CYP2J2: variants seen among roughly 807,000 people sequenced by gnomAD.
The protein encoded by CYP2J2 is cytochrome P450 2J2.
In CYP2J2, 41 loss-of-function variants were observed where a neutral mutation model predicts 48.8. That is an observed-to-expected ratio of 0.84 (90% CI 0.66 to 1.09). CYP2J2 has a LOEUF of 1.09. Ranked by LOEUF, CYP2J2 falls within the 50% of genes least tolerant of loss-of-function variation. The pLI is 0.00. For synonymous variants in CYP2J2, 221 were observed against 227.1 expected (o/e 0.97, Z 0.24); for missense variants, 644 against 617.3 (o/e 1.04, Z -0.46).
At position 59,912,226 on chromosome 1, in the gene CYP2J2, C is replaced by A; in HGVS notation, c.459G>T (p.Lys153Asn). ...TALRNFGLGK[K>N]SLEERIQEEA... ...CCTCCTGAATGCGTTCCTCTAAGCT[C>A]TTCTTTCCTAAACCAAAGTTCCTTA... Residue 153 changes from lysine to asparagine, a missense_variant, in exon 3 of 9, where the codon AAG (lysine) becomes AAT (asparagine). Coordinates refer to ENST00000371204, the MANE Select transcript of CYP2J2 (RefSeq NM_000775.4). 1 of 1,613,934 alleles carries A rather than the reference C, an allele frequency of 6.2e-7. No homozygotes were observed. Among genetic ancestry groups the A allele is most frequent in the Non-Finnish European group, 8.5e-7 (1 of 1,179,858 alleles).
At position 59,909,835 on chromosome 1, in the gene CYP2J2, ATTCCAATCCT is replaced by A. The variant is rs568437594; in HGVS notation, c.800_809del (p.Lys267IlefsTer75). 99 of 1,607,036 alleles carry A rather than the reference ATTCCAATCCT, an allele frequency of 6.2e-5. No homozygotes were observed. The East Asian group carries it at 1.7e-3, about 28-fold the overall frequency. ...CAATAAAGTCTCTTGTTTCTGCAGG[ATTCCAATCCT>A]TTCTGTGTTTGTCAATCATATGAGA... is the stretch of plus-strand genomic sequence containing the variant. On this transcript the variant is annotated frameshift_variant, in exon 5 of 9. Coordinates refer to ENST00000371204, the MANE Select transcript of CYP2J2 (RefSeq NM_000775.4). LOFTEE classifies it high-confidence loss of function.
chr1:59,959,692 C>T, the CYP2J2 span, among the ~76,000 whole-genome samples: 1 of 151,794 alleles, frequency 6.6e-6, no homozygotes, highest in South Asian at 2.1e-4. Context: ...TATATGTATA[C>T]ACACCATGGA....
chr1:59,946,320 A>T, the CYP2J2 span, among the ~76,000 whole-genome samples: 1 of 152,172 alleles, frequency 6.6e-6, no homozygotes, highest in Non-Finnish European at 1.5e-5. Context: ...TTCCCAAGAT[A>T]GCTGTATGTC....
At chr1:59,895,003 T>C (rs538850199) in intron 8 of CYP2J2, among the ~76,000 whole-genome samples, 7 of 152,354 alleles carry the variant, frequency 4.6e-5, no homozygotes, top group African/African-American at 1.7e-4. Flanking sequence ...TTGGCTCTTC[T>C]AAGTTGTTTG....
At chr1:59,917,655 T>C (rs1235557081) in intron 1 of CYP2J2, among the ~76,000 whole-genome samples, 1 of 152,182 alleles carries the variant, frequency 6.6e-6, no homozygotes, top group Non-Finnish European at 1.5e-5. Context: ...TGGGGATGTG[T>C]ATGTTCATGA....
chr1:59,907,998 G>A, intron 5 of CYP2J2, 71 bp from the exon 6 acceptor site: 1 of 1,467,000 alleles, frequency 6.8e-7, no homozygotes, highest in Non-Finnish European at 9.5e-7. Context: ...AACACAAAGG[G>A]GCTTCATCCT....
chr1:59,903,829 A>G (rs1041362397), intron 7 of CYP2J2, among the ~76,000 whole-genome samples: 2 of 152,242 alleles, frequency 1.3e-5, no homozygotes, highest in Non-Finnish European at 2.9e-5. Context: ...ATCTGCTTCC[A>G]GATCCCAACT....
At chr1:59,938,964 G>A in the CYP2J2 span, among the ~76,000 whole-genome samples, 5 of 152,324 alleles carry the variant, frequency 3.3e-5, no homozygotes, top group African/African-American at 7.2e-5. Flanking sequence ...CTGCATAGCC[G>A]TAGATCCCTT....
At chr1:59,902,378 A>G (rs1644327530) in intron 7 of CYP2J2, among the ~76,000 whole-genome samples, 1 of 152,184 alleles carries the variant, frequency 6.6e-6, no homozygotes, top group South Asian at 2.1e-4. Context: ...ACATATTAAT[A>G]TAATATTACT....
chr1:59,916,223 A>G, intron 1 of CYP2J2, 123 bp from the exon 2 acceptor site: 2 of 723,130 alleles, frequency 2.8e-6, no homozygotes. Flanking sequence ...CTGTGTGTGT[A>G]CGTGTGTGTG....
chr1:59,935,534 T>G, the CYP2J2 span, among the ~76,000 whole-genome samples: 1 of 152,120 alleles, frequency 6.6e-6, no homozygotes, highest in Non-Finnish European at 1.5e-5. Context: ...TATACAAATT[T>G]TATTTACCAA....
chr1:59,893,442 A>C lies in CYP2J2; in HGVS notation c.*209T>G. The stretch of plus-strand genomic sequence containing the variant: ...TTTCATCTCCTAGATAAAAAGGTAA[A>C]TTATTTAGCATATAAATGATTTTCC... On this transcript the variant is annotated 3_prime_UTR_variant, in exon 9 of 9. Transcript: ENST00000371204. The C allele has an allele frequency of 2.1e-6, 1 of 466,836 alleles. No homozygotes were observed. Among genetic ancestry groups the C allele is most frequent in the Non-Finnish European group, 3.8e-6 (1 of 263,646 alleles). 28.9% of individuals were successfully genotyped at this position (466,836 alleles called of 1,614,324 possible). A position where few individuals can be genotyped will look rare whatever the true frequency, so the allele number is the denominator to read the frequency against.
At chr1:59,908,510 A>G (rs1254284083) in intron 5 of CYP2J2, among the ~76,000 whole-genome samples, 1 of 152,204 alleles carries the variant, frequency 6.6e-6, no homozygotes, top group South Asian at 2.1e-4. Context: ...TGATTCTACC[A>G]ACCATTCCTC....
intron 8 of CYP2J2, 88 bp from the exon 9 acceptor site, chr1:59,893,917 A>T: frequency 7.4e-7 from 1 of 1,342,716 alleles, no homozygotes. Flanking sequence ...ATCCCCAAAA[A>T]AATGGAGCAG....
the CYP2J2 span, among the ~76,000 whole-genome samples, chr1:59,959,132 T>A: frequency 1.3e-5 from 2 of 152,212 alleles, no homozygotes; most frequent in Non-Finnish European, 2.9e-5. Context: ...GTCCTTTGCA[T>A]GATTAATTTC....
At chr1:59,932,852 C>T in the CYP2J2 span, among the ~76,000 whole-genome samples, 2 of 151,992 alleles carry the variant, frequency 1.3e-5, no homozygotes, top group African/African-American at 4.8e-5. Flanking sequence ...AAGCACATGG[C>T]ATTATGCTTG....
At chr1:59,942,546 G>A in the CYP2J2 span, among the ~76,000 whole-genome samples, 1 of 152,112 alleles carries the variant, frequency 6.6e-6, no homozygotes, top group South Asian at 2.1e-4. Context: ...TATATTTTAA[G>A]TTTGATTAGA....
At chr1:59,931,808 G>T in the CYP2J2 span, among the ~76,000 whole-genome samples, 1 of 152,070 alleles carries the variant, frequency 6.6e-6, no homozygotes, top group African/African-American at 2.4e-5. Context: ...AAGGAAATTT[G>T]AGATAAAAAA....
At chr1:59,936,471 C>T in the CYP2J2 span, among the ~76,000 whole-genome samples, 10 of 152,078 alleles carry the variant, frequency 6.6e-5, no homozygotes, top group Non-Finnish European at 1.5e-4. Context: ...TTATTTTGAA[C>T]CATGCACTTT....
Sources: allele counts gnomAD v4.1 joint callset (sites outside exome capture counted in the v4.1 genomes callset), GRCh38; gene constraint gnomAD v4.1.1; transcripts MANE v1.5; gene names NCBI Gene and HGNC (gene_info 2026-07-23, HGNC 2026-07-21).